NBPF20: variants seen among roughly 807,000 people sequenced by gnomAD.
The protein encoded by NBPF20 is NBPF family member NBPF20.
In NBPF20, 90 loss-of-function variants were observed where a neutral mutation model predicts 68.1. The observed-to-expected ratio is 1.32, with a 90% CI of 1.11 to 1.58. The LOEUF is 1.58. NBPF20 is among the 40% of genes most tolerant of loss of function. NBPF20 has a pLI of 0.00. For missense variants in NBPF20, 816 were observed against 601.2 expected (o/e 1.36, Z -3.74); for synonymous variants, 290 against 228.1 (o/e 1.27, Z -2.45).
chr1:145,334,739 C>T, intron 83 of NBPF20, 108 bp from the exon 89 acceptor site: 1 of 529,406 alleles, frequency 1.9e-6, no homozygotes, highest in Non-Finnish European at 3.4e-6. Context: ...AGAAAAAGGA[C>T]AGATCCATTA....
At chr1:145,425,547 G>A in the NBPF20 span, among the ~76,000 whole-genome samples, 5 of 152,156 alleles carry the variant, frequency 3.3e-5, no homozygotes, top group Non-Finnish European at 7.4e-5. Context: ...TGTCTCAACC[G>A]CCGCCCAGCC....
exon 10 of NBPF20, chr1:145,393,181 T>G (rs1553662483): frequency 8.2e-6 from 5 of 610,274 alleles, no homozygotes; most frequent in Non-Finnish European, 1.4e-5. Context: ...AGGAGTTGAA[T>G]AACATCTATC....
chr1:145,415,219 C>CTTT, the NBPF20 span, among the ~76,000 whole-genome samples: 1 of 151,554 alleles, frequency 6.6e-6, no homozygotes, highest in Non-Finnish European at 1.5e-5. Flanking sequence ...ATCTCAATGC[C>CTTT]TTAAAGAGCA....
At chr1:145,419,659 C>A in the NBPF20 span, among the ~76,000 whole-genome samples, 1 of 152,014 alleles carries the variant, frequency 6.6e-6, no homozygotes, top group South Asian at 2.1e-4. Flanking sequence ...TCCCACTCCC[C>A]CAGGACCTGG....
At chr1:145,309,465 C>G (rs1238680272) in intron 115 of NBPF20, among the ~76,000 whole-genome samples, 1 of 68,828 alleles carries the variant, frequency 1.5e-5, no homozygotes, top group African/African-American at 7.3e-5. Flanking sequence ...CACACACACA[C>G]ACACACACAC....
the NBPF20 span, among the ~76,000 whole-genome samples, chr1:145,419,563 C>A: frequency 5.9e-5 from 9 of 152,154 alleles, no homozygotes; most frequent in African/African-American, 1.2e-4. Flanking sequence ...ACTCCAGAAG[C>A]TGCCCAGCTG....
the NBPF20 span, among the ~76,000 whole-genome samples, chr1:145,422,682 A>G: frequency 6.6e-6 from 1 of 152,186 alleles, no homozygotes; most frequent in South Asian, 2.1e-4. Context: ...AAGCAGACAC[A>G]TCCACGTAGT....
chr1:145,404,579 G>C (rs1553666498), intron 2 of NBPF20, among the ~76,000 whole-genome samples: 1 of 152,102 alleles, frequency 6.6e-6, no homozygotes, highest in Non-Finnish European at 1.5e-5. Flanking sequence ...TCTTGATGCT[G>C]TCACTTATAG....
chr1:145,291,584 G>C lies in NBPF20; in HGVS notation c.16883C>G (p.Thr5628Ser), dbSNP rs782283569. 3.1e-6 allele frequency: 5 copies of C among 1,611,890 alleles called. No individual in the cohort carries two copies. In the African/African-American group the frequency reaches 5.3e-5, roughly 17 times the overall value. The change falls in exon 138 of 138, where the codon ACT becomes AGT. Residue 5628 changes from threonine (T) to serine (S), a missense_variant. Thr to Ser is a moderately conservative substitution (Grantham distance 58). Transcript: ENST00000369373. ...CAGGTGGAGACTTGTCACCGTCAAA[G>C]TAAAAAACCTATTGTCCACGTAAAG...
chr1:145,393,281 G>A lies in NBPF20; in HGVS notation c.1044-35C>T, dbSNP rs782744927. The A allele has an allele frequency of 1.4e-3, 911 of 665,292 alleles. 2 individuals carry two copies. Among genetic ancestry groups the A allele is most frequent in the Non-Finnish European group, 2.2e-3 (795 of 368,960 alleles). 41.2% of individuals were successfully genotyped at this position (665,292 alleles called of 1,614,324 possible). A position where few individuals can be genotyped will look rare whatever the true frequency, so the allele number is the denominator to read the frequency against. On this transcript the variant is annotated intron_variant, in intron 9 of 137. Transcript: ENST00000369373. ...TGGGAAAAAGTAAAGAATAAGCCAGGGGGAATCAGAAACCACACAGCCCCA... is the reference window on the plus strand; with the variant it reads ...TGGGAAAAAGTAAAGAATAAGCCAGAGGGAATCAGAAACCACACAGCCCCA...
chr1:145,402,325 T>G (rs1211086803), exon 4 of NBPF20: 8 of 1,608,408 alleles, frequency 5.0e-6, no homozygotes, highest in Non-Finnish European at 5.9e-6. Context: ...TTCCCGCAAC[T>G]TCTCCCTTAA....
chr1:145,412,261 T>C, the NBPF20 span, among the ~76,000 whole-genome samples: 3 of 151,988 alleles, frequency 2.0e-5, no homozygotes, highest in Non-Finnish European at 2.9e-5. Context: ...GGCTACTTTG[T>C]TTTTGGAAGC....
intron 112 of NBPF20, among the ~76,000 whole-genome samples, chr1:145,311,852 G>T (rs1474560775): frequency 9.0e-6 from 1 of 110,552 alleles, no homozygotes; most frequent in South Asian, 2.8e-4. Context: ...ATTGTTCACG[G>T]TAGCGAGGAT....
intron 2 of NBPF20, among the ~76,000 whole-genome samples, chr1:145,404,266 TTTG>T: frequency 2.1e-5 from 1 of 48,546 alleles, no homozygotes; most frequent in East Asian, 1.2e-3. Context: ...TATCTTTTTG[TTTG>T]TTTGTTTTTT....
chr1:145,417,199 G>A, the NBPF20 span, among the ~76,000 whole-genome samples: 1 of 150,880 alleles, frequency 6.6e-6, no homozygotes, highest in Non-Finnish European at 1.5e-5. Flanking sequence ...TGGAGGTTTA[G>A]AGACAATTTA....
chr1:145,393,050 T>G, intron 10 of NBPF20, 24 bp downstream of exon 15: 2 of 506,830 alleles, frequency 3.9e-6, no homozygotes, highest in South Asian at 4.1e-5. Context: ...TGGATCCTTA[T>G]CACCTTCATA....
At chr1:145,405,776 C>A, upstream of NBPF20, 1 of 375,830 alleles carries the variant, frequency 2.7e-6, no homozygotes, top group East Asian at 4.8e-5. Flanking sequence ...TACATCTAAG[C>A]ATATTCCTCA....
At chr1:145,393,367 G>T (rs1306976558) in intron 9 of NBPF20, 121 bp from the exon 15 acceptor site, 2 of 710,026 alleles carry the variant, frequency 2.8e-6, no homozygotes, top group Admixed American at 2.0e-5. Context: ...ATCCATTAAT[G>T]AGGTAAGAAA....
At chr1:145,291,742 T>C (rs373787147) in exon 138 of NBPF20, 17 of 1,611,924 alleles carry the variant, frequency 1.1e-5, no homozygotes, top group African/African-American at 4.0e-5. Flanking sequence ...CTTCAGGCTC[T>C]TCCACTTCCA....
Sources: allele counts gnomAD v4.1 joint callset (sites outside exome capture counted in the v4.1 genomes callset), GRCh38; gene constraint gnomAD v4.1.1; transcripts MANE v1.5; gene names NCBI Gene and HGNC (gene_info 2026-07-23, HGNC 2026-07-21).